TRIO: variants seen among roughly 807,000 people sequenced by gnomAD.
TRIO encodes triple functional domain protein.
Under a neutral mutation model 351.9 loss-of-function variants are expected in TRIO, and 58 were observed. That is an observed-to-expected ratio of 0.16 (90% CI 0.13 to 0.21). TRIO has a LOEUF of 0.21. TRIO is among the 10% of genes least tolerant of loss of function. The probability of loss-of-function intolerance (pLI) is 1.00; values close to 1 mark genes in which losing one functional copy is unlikely to be tolerated. For synonymous variants in TRIO, 1,758 were observed against 1,595.7 expected (o/e 1.10, Z -2.42); for missense variants, 3,201 against 4,027.8 (o/e 0.79, Z 5.56).
At chr5:14,402,696 G>T (rs1748183168) in intron 31 of TRIO, among the ~76,000 whole-genome samples, 1 of 149,578 alleles carries the variant, frequency 6.7e-6, no homozygotes, top group African/African-American at 2.6e-5. Context: ...ATTTGGTGAT[G>T]GGGGTATGGG....
At chr5:14,359,003 G>A (rs932780619) in intron 12 of TRIO, among the ~76,000 whole-genome samples, 4 of 152,186 alleles carry the variant, frequency 2.6e-5, no homozygotes, top group Admixed American at 6.5e-5. Flanking sequence ...TTAACCTCTC[G>A]TGTCCAATAT....
chr5:14,488,284 C>A lies in TRIO; in HGVS notation c.7632+24C>A, dbSNP rs753725101. The A allele has an allele frequency of 2.0e-6, 3 of 1,527,188 alleles. No homozygotes were observed. In the African/African-American group the frequency reaches 4.1e-5, roughly 21 times the overall value. The allele number at this position is 1,527,188 out of a possible 1,614,324, so 94.6% of individuals were successfully genotyped here. Reference sequence around the variant, plus strand: ...GGGTAAGCGCGTCGGGGGGCCCGCGCCCTCCCGCCCCCCTGCCTCTGTCCC... The same window carrying A: ...GGGTAAGCGCGTCGGGGGGCCCGCGACCTCCCGCCCCCCTGCCTCTGTCCC... On this transcript the variant is annotated intron_variant, in intron 48 of 56. Transcript: ENST00000344204.
chr5:14,454,703 C>A (rs1753125529), intron 34 of TRIO, among the ~76,000 whole-genome samples: 1 of 152,234 alleles, frequency 6.6e-6, no homozygotes, highest in Non-Finnish European at 1.5e-5. Flanking sequence ...GCCCTGGAGT[C>A]TAAGGTCATG....
At chr5:14,374,531 T>C (rs912164126) in intron 19 of TRIO, among the ~76,000 whole-genome samples, 188 bp downstream of exon 19, 3 of 152,218 alleles carry the variant, frequency 2.0e-5, no homozygotes, top group East Asian at 1.9e-4. Context: ...TAGGTTGATA[T>C]TATATTGAAT....
intron 1 of TRIO, among the ~76,000 whole-genome samples, chr5:14,186,584 T>C (rs1167649136): frequency 3.9e-5 from 6 of 152,016 alleles, no homozygotes; most frequent in Non-Finnish European, 1.5e-5. Context: ...TTTCCTTCTT[T>C]CTTTTTTTTT....
intron 34 of TRIO, among the ~76,000 whole-genome samples, chr5:14,446,520 T>C (rs1046058318): frequency 1.3e-5 from 2 of 152,092 alleles, no homozygotes; most frequent in African/African-American, 4.8e-5. Flanking sequence ...GGGGACAAGA[T>C]GTCATAAAAT....
chr5:14,203,629 G>A (rs1791275125), intron 1 of TRIO, among the ~76,000 whole-genome samples: 2 of 152,230 alleles, frequency 1.3e-5, no homozygotes, highest in South Asian at 2.1e-4. Flanking sequence ...TTTAAAAAAT[G>A]TATGTAGTAA....
rs547206328 is a variant in TRIO, at chr5:14,461,381, C to A, written c.5496+70C>A. On this transcript the variant is annotated intron_variant, in intron 35 of 56. Transcript: ENST00000344204. ...TGGGCTTTTGCTGCAAGAATAGTTGCTGATCTTATGAGTAAACTGGTTTGG... is the reference window on the plus strand; with the variant it reads ...TGGGCTTTTGCTGCAAGAATAGTTGATGATCTTATGAGTAAACTGGTTTGG... 3,503 of 1,433,962 alleles carry A rather than the reference C, an allele frequency of 2.4e-3. 8 individuals are homozygous for A. Among genetic ancestry groups the A allele is most frequent in the Non-Finnish European group, 2.9e-3 (3,190 of 1,095,212 alleles). 88.8% of individuals were successfully genotyped at this position (1,433,962 alleles called of 1,614,324 possible). A position where few individuals can be genotyped will look rare whatever the true frequency, so the allele number is the denominator to read the frequency against.
intron 1 of TRIO, among the ~76,000 whole-genome samples, chr5:14,202,112 T>C (rs1791151391): frequency 6.6e-6 from 1 of 150,562 alleles, no homozygotes; most frequent in African/African-American, 2.4e-5. Context: ...AAACTTAAGG[T>C]ATAATTTAAA....
chr5:14,196,646 T>C (rs1465178594), intron 1 of TRIO, among the ~76,000 whole-genome samples: 2 of 152,100 alleles, frequency 1.3e-5, no homozygotes, highest in Admixed American at 1.3e-4. Context: ...TAACCTGTGC[T>C]CTCCCCGTTT....
intron 3 of TRIO, among the ~76,000 whole-genome samples, chr5:14,284,332 C>T (rs1038846175): frequency 1.3e-5 from 2 of 152,158 alleles, no homozygotes; most frequent in African/African-American, 2.4e-5. Flanking sequence ...CTCCAGTAGG[C>T]AGCTGTTTAT....
intron 16 of TRIO, among the ~76,000 whole-genome samples, chr5:14,367,774 C>T (rs936365052): frequency 6.6e-6 from 1 of 152,142 alleles, no homozygotes; most frequent in Admixed American, 6.5e-5. Context: ...CTAATTTATT[C>T]CCTGGATTAA....
At chr5:14,398,097 T>G (rs1388146996) in intron 29 of TRIO, among the ~76,000 whole-genome samples, 1 of 152,168 alleles carries the variant, frequency 6.6e-6, no homozygotes, top group African/African-American at 2.4e-5. Context: ...TGCTTTTAAC[T>G]GTTCCTGGGG....
chr5:14,182,871 C>G (rs979860984), intron 1 of TRIO, among the ~76,000 whole-genome samples: 13 of 131,174 alleles, frequency 9.9e-5, no homozygotes, highest in East Asian at 7.0e-4. Flanking sequence ...GACCCCCCCC[C>G]CTCCACTTTG....
chr5:14,415,606 T>C (rs1472223003), intron 33 of TRIO, among the ~76,000 whole-genome samples: 1 of 152,242 alleles, frequency 6.6e-6, no homozygotes, highest in East Asian at 1.9e-4. Flanking sequence ...AGTAGAATTC[T>C]GTTCTATGTG....
intron 1 of TRIO, among the ~76,000 whole-genome samples, chr5:14,205,079 AG>A (rs1353724700): frequency 5.3e-5 from 8 of 152,182 alleles, no homozygotes; most frequent in Non-Finnish European, 7.3e-5. Flanking sequence ...TGTGGTGCAA[AG>A]GGAAGTGCCC....
chr5:14,145,252 G>A (rs957731352), intron 1 of TRIO, among the ~76,000 whole-genome samples: 1 of 152,230 alleles, frequency 6.6e-6, no homozygotes, highest in African/African-American at 2.4e-5. Context: ...ATGGTGAGAG[G>A]CAGAAGTTAG....
chr5:14,487,986 C>T lies in TRIO; in HGVS notation c.7358C>T (p.Ala2453Val). 2 of 1,558,326 alleles carry T rather than the reference C, an allele frequency of 1.3e-6. No individual in the cohort carries two copies. Among genetic ancestry groups the T allele is most frequent in the Non-Finnish European group, 8.7e-7 (1 of 1,152,410 alleles). ...CCGCTTGGGAAGCCCCGGGCCGGGG[C>T]CGCTTCGCCGCTGAACTCGCCGCTC... ...TLPLGKPRAGAASPLNSPLSS... is the reference protein window; with the variant it reads ...TLPLGKPRAGVASPLNSPLSS... Residue 2453 changes from alanine (A) to valine (V), a missense_variant, in exon 48 of 57, where the codon GCC becomes GTC. By Grantham distance (64) the Ala-to-Val change is moderately conservative (BLOSUM62 0). Transcript: ENST00000344204.
chr5:14,460,973 A>G (rs1753741174), intron 34 of TRIO, 46 bp from the exon 35 acceptor site: 1 of 1,475,134 alleles, frequency 6.8e-7, no homozygotes, highest in African/African-American at 1.4e-5. Flanking sequence ...TTCACACCGG[A>G]GGGTCTGTGC....
Sources: gnomAD v4.1 joint callset for allele counts (sites outside exome capture counted in the v4.1 genomes callset) on GRCh38, gnomAD v4.1.1 for gene constraint, MANE v1.5 for transcripts, NCBI Gene and HGNC (gene_info 2026-07-23, HGNC 2026-07-21) for gene names.